TRMT1L: variants seen among roughly 807,000 people sequenced by gnomAD.
The protein encoded by TRMT1L is tRNA (guanine(27)-N(2))-dimethyltransferase.
In TRMT1L, 28 loss-of-function variants were observed where a neutral mutation model predicts 81.6. The ratio of observed to expected loss-of-function variants is 0.34; its 90% CI spans 0.25 to 0.47. The LOEUF is 0.47. Ranked by LOEUF, TRMT1L falls within the 20% of genes least tolerant of loss-of-function variation. The pLI is 1.00. For synonymous variants in TRMT1L, 301 were observed against 303.2 expected (o/e 0.99, Z 0.07); for missense variants, 739 against 877.1 (o/e 0.84, Z 1.99).
At chr1:185,137,216 T>C (rs1383962051) in intron 10 of TRMT1L, among the ~76,000 whole-genome samples, 3 of 152,172 alleles carry the variant, frequency 2.0e-5, no homozygotes, top group Non-Finnish European at 4.4e-5. Context: ...TCAATAAATG[T>C]TTATTGAATG....
rs150115224 is a variant in TRMT1L at position 185,121,089 on chromosome 1, T to A, written c.1823-580A>T. 6.5e-3 allele frequency among the ~76,000 whole-genome samples: 993 copies of A among 152,298 alleles called. 20 individuals carry two copies. Among genetic ancestry groups the A allele is most frequent in the African/African-American group, 0.023 (956 of 41,534 alleles). On this transcript the variant is annotated intron_variant, in intron 13 of 14. Coordinates refer to ENST00000367506, the MANE Select transcript of TRMT1L (RefSeq NM_030934.5). Reference sequence around the variant, plus strand: ...TTATGATCTCATTGCCTATTTCTCATCACAGCACTTAGTTTTTTCATTTTG... The same window carrying A: ...TTATGATCTCATTGCCTATTTCTCAACACAGCACTTAGTTTTTTCATTTTG...
chr1:185,143,250 C>G, intron 7 of TRMT1L, 107 bp downstream of exon 7: 1 of 1,027,614 alleles, frequency 9.7e-7, no homozygotes. Flanking sequence ...AAAATTTTGC[C>G]TTGGATCTTT....
At chr1:185,124,705 AAC>A in intron 12 of TRMT1L, 1 of 251,318 alleles carries the variant, frequency 4.0e-6, no homozygotes, top group Non-Finnish European at 7.4e-6. Context: ...CCAAAAAAAA[AAC>A]AACAAAACCA....
intron 13 of TRMT1L, 26 bp from the exon 14 acceptor site, chr1:185,120,535 C>A: frequency 1.3e-6 from 2 of 1,523,936 alleles, no homozygotes; most frequent in Non-Finnish European, 1.8e-6. Flanking sequence ...ACAAAGTTAG[C>A]ATGCTCTTAA....
intron 9 of TRMT1L, 143 bp downstream of exon 9, chr1:185,139,224 T>A (rs1040471375): frequency 1.0e-5 from 6 of 601,894 alleles, no homozygotes; most frequent in Non-Finnish European, 1.7e-5. Flanking sequence ...AGATACCACG[T>A]AAGATTAAAA....
chr1:185,128,578 ATT>A lies in TRMT1L; in HGVS notation c.1592+89_1592+90del, dbSNP rs1034984315. On this transcript the variant is annotated intron_variant, in intron 11 of 14. Transcript: ENST00000367506. ...GCCTAGACTTAACAATTGAATTTAA[ATT>A]TGTCTTTTACCACACATAATAAAAA... 9.1e-5 allele frequency: 110 copies of A among 1,214,714 alleles called. 1 individual carries two copies. In the African/African-American group the frequency reaches 1.6e-3, roughly 17 times the overall value. The allele number at this position is 1,214,714 out of a possible 1,614,324, so 75.2% of individuals were successfully genotyped here.
At chr1:185,135,869 T>A (rs1652887791) in intron 10 of TRMT1L, among the ~76,000 whole-genome samples, 1 of 151,722 alleles carries the variant, frequency 6.6e-6, no homozygotes, top group Admixed American at 6.6e-5. Context: ...CAACAACATA[T>A]TAAAAAAAAA....
Position 185,139,407 on chromosome 1 carries a change from T to C in TRMT1L, c.1282A>G (p.Lys428Glu). The C allele has an allele frequency of 1.2e-6, 2 of 1,614,038 alleles. No homozygotes were observed. The highest frequency in any genetic ancestry group is 1.7e-6 in the Non-Finnish European group (2 of 1,179,938). The change falls in exon 9 of 15, where the codon AAG (lysine) becomes GAG (glutamate). Residue 428 changes from lysine to glutamate, a missense_variant. Around this residue, in one of 4 missense-constraint regions of TRMT1L, gnomAD observed 331 missense variants for 462.2 expected, o/e 0.72. Coordinates refer to ENST00000367506, the MANE Select transcript of TRMT1L (RefSeq NM_030934.5). ...GCNIVRTEYY[K>E]ELAARIVVAA... ...ACAACAATTCTGGCTGCTAGTTCCT[T>C]GTAATATTCAGTTCGGACAATGTTA...
intron 7 of TRMT1L, among the ~76,000 whole-genome samples, 177 bp downstream of exon 7, chr1:185,143,178 TAC>T (rs1266693298): frequency 1.3e-5 from 2 of 152,158 alleles, no homozygotes; most frequent in Admixed American, 1.3e-4. Flanking sequence ...AAGCGATGGA[TAC>T]ACAGAGACTC....
Position 185,137,740 on chromosome 1 carries a change from T to C in TRMT1L, c.1379A>G (p.His460Arg). Reference protein sequence around the residue: ...IEVLFAVALEHFVLVVVRVLR... With the variant: ...IEVLFAVALERFVLVVVRVLR... The stretch of plus-strand genomic sequence containing the variant: ...AACTCTCACAACTACCAACACAAAA[T>C]GTTCCAGAGCCACTGCAAACAGTAC... The change falls in exon 10 of 15, where the codon CAT (histidine) becomes CGT (arginine). Residue 460 changes from histidine (H) to arginine (R), a missense_variant. His to Arg is a conservative substitution (Grantham distance 29, BLOSUM62 0). Around this residue, in one of 4 missense-constraint regions of TRMT1L, gnomAD observed 331 missense variants for 462.2 expected, o/e 0.72. Coordinates refer to ENST00000367506, the MANE Select transcript of TRMT1L (RefSeq NM_030934.5). 2 of 1,614,082 alleles carry C rather than the reference T, an allele frequency of 1.2e-6. No individual in the cohort carries two copies. Among genetic ancestry groups the C allele is most frequent in the Non-Finnish European group, 1.7e-6 (2 of 1,180,006 alleles).
chr1:185,128,794 A>G, intron 10 of TRMT1L, 47 bp from the exon 11 acceptor site: 1 of 1,442,980 alleles, frequency 6.9e-7, no homozygotes, highest in Non-Finnish European at 9.6e-7. Context: ...AATGACTAAT[A>G]CAAATAGTAG....
intron 13 of TRMT1L, among the ~76,000 whole-genome samples, chr1:185,122,941 T>C (rs1223965296): frequency 6.6e-6 from 1 of 152,126 alleles, no homozygotes; most frequent in Non-Finnish European, 1.5e-5. Flanking sequence ...CAACTTGGCC[T>C]CCCAAAATGC....
intron 10 of TRMT1L, among the ~76,000 whole-genome samples, chr1:185,136,177 C>T (rs546471929): frequency 2.0e-4 from 31 of 152,130 alleles, no homozygotes; most frequent in African/African-American, 5.1e-4. Context: ...TGGGAGGATG[C>T]GGCGGGCAGA....
intron 10 of TRMT1L, among the ~76,000 whole-genome samples, chr1:185,132,841 G>C (rs1017972598): frequency 1.3e-5 from 2 of 152,156 alleles, no homozygotes; most frequent in African/African-American, 4.8e-5. Context: ...ATAGGAAAAA[G>C]TGTCCACTCA....
intron 13 of TRMT1L, among the ~76,000 whole-genome samples, chr1:185,121,561 A>G (rs1310002323): frequency 6.6e-6 from 1 of 152,214 alleles, no homozygotes; most frequent in East Asian, 1.9e-4. Context: ...AGCAAAAAGG[A>G]CAACCTGGGA....
chr1:185,152,547 G>A (rs1653389190), intron 1 of TRMT1L, among the ~76,000 whole-genome samples: 1 of 152,202 alleles, frequency 6.6e-6, no homozygotes, highest in African/African-American at 2.4e-5. Flanking sequence ...GTCTCTGCAG[G>A]TTTTTGAGGA....
chr1:185,139,278 T>A, intron 9 of TRMT1L, 89 bp downstream of exon 9: 1 of 1,019,110 alleles, frequency 9.8e-7, no homozygotes, highest in Non-Finnish European at 1.4e-6. Context: ...ATTTTGTGCA[T>A]ATTTTGAATA....
intron 7 of TRMT1L, among the ~76,000 whole-genome samples, chr1:185,142,395 G>A (rs188264287): frequency 9.2e-5 from 14 of 152,094 alleles, no homozygotes; most frequent in Non-Finnish European, 2.1e-4. Context: ...CACTCCTTTG[G>A]CACAAACTCC....
In TRMT1L at chr1:185,132,926, T is replaced by C. The variant is rs138034570; in HGVS notation, c.1514-4179A>G. ...AGGAGATTTATCACAAAAAGAAAGT[T>C]AAAGAAAATTTCCAGGATGATGGTT... is the stretch of plus-strand genomic sequence containing the variant. On this transcript the variant is annotated intron_variant, in intron 10 of 14. Coordinates refer to ENST00000367506, the MANE Select transcript of TRMT1L (RefSeq NM_030934.5). Among the ~76,000 whole-genome samples the C allele has an allele frequency of 1.4e-4, 22 of 152,210 alleles. No individual in the cohort carries two copies. The East Asian group carries it at 4.3e-3, about 29-fold the overall frequency.
Sources: allele counts gnomAD v4.1 joint callset (sites outside exome capture counted in the v4.1 genomes callset), GRCh38; gene constraint gnomAD v4.1.1; regional missense constraint gnomAD v4.1.1; transcripts MANE v1.5; gene names NCBI Gene and HGNC (gene_info 2026-07-23, HGNC 2026-07-21).